Variants in IMMP2L observed in about 807,000 individuals in gnomAD.
IMMP2L encodes mitochondrial inner membrane protease subunit 2.
Under a neutral mutation model 19.3 loss-of-function variants are expected in IMMP2L, and 18 were observed. That is an observed-to-expected ratio of 0.93 (90% CI 0.64 to 1.38). IMMP2L has a LOEUF of 1.38. Among genes scored for constraint, IMMP2L ranks in the 40% most tolerant of loss-of-function variants. IMMP2L has a pLI of 0.00. For missense variants in IMMP2L, 233 were observed against 218.2 expected (o/e 1.07, Z -0.43); for synonymous variants, 76 against 73.0 (o/e 1.04, Z -0.21).
chr7:111,528,284 T>C (rs2132760328), intron 1 of IMMP2L, among the ~76,000 whole-genome samples: 1 of 152,268 alleles, frequency 6.6e-6, no homozygotes, highest in Non-Finnish European at 1.5e-5. Context: ...GAAAATTTCA[T>C]CTAAGCAATA....
chr7:110,834,186 A>T lies in IMMP2L; in HGVS notation c.408+52407T>A, dbSNP rs563466325. 1.6e-4 allele frequency among the ~76,000 whole-genome samples: 24 copies of T among 152,180 alleles called. No individual in the cohort carries two copies. In the East Asian group the frequency reaches 2.9e-3, roughly 18 times the overall value. On this transcript the variant is annotated intron_variant, in intron 5 of 5. Coordinates refer to ENST00000405709, the MANE Select transcript of IMMP2L (RefSeq NM_032549.4). ...CTTCAAATATTCTTTATGAATAATAAATCTTAAATGTAGTTTTAAAACTGG... is the reference window on the plus strand; with the variant it reads ...CTTCAAATATTCTTTATGAATAATATATCTTAAATGTAGTTTTAAAACTGG...
At chr7:111,484,903 C>A (rs1842497145) in intron 3 of IMMP2L, among the ~76,000 whole-genome samples, 1 of 152,076 alleles carries the variant, frequency 6.6e-6, no homozygotes, top group Admixed American at 6.6e-5. Context: ...CTTCCTACCT[C>A]AGCCTCCCAG....
chr7:111,273,512 T>C (rs754188573), intron 3 of IMMP2L, among the ~76,000 whole-genome samples: 6 of 152,050 alleles, frequency 3.9e-5, no homozygotes, highest in South Asian at 2.1e-4. Flanking sequence ...TGGCCGGATA[T>C]AGAACAACAG....
intron 3 of IMMP2L, among the ~76,000 whole-genome samples, chr7:111,396,243 G>A (rs1184605215): frequency 6.6e-6 from 1 of 152,104 alleles, no homozygotes; most frequent in Non-Finnish European, 1.5e-5. Flanking sequence ...CAATAGCAAA[G>A]ACTTGGAACC....
chr7:111,148,323 A>G (rs1023836374), intron 3 of IMMP2L, among the ~76,000 whole-genome samples: 2 of 152,102 alleles, frequency 1.3e-5, no homozygotes, highest in African/African-American at 2.4e-5. Flanking sequence ...ATAGAAACAG[A>G]AAGTAGAAGT....
intron 5 of IMMP2L, among the ~76,000 whole-genome samples, chr7:110,713,953 C>T (rs1407185941): frequency 6.6e-6 from 1 of 152,136 alleles, no homozygotes; most frequent in African/African-American, 2.4e-5. Flanking sequence ...GCTAGGAATT[C>T]CAGTACAATG....
At chr7:110,927,897 G>A (rs1050292582) in intron 4 of IMMP2L, among the ~76,000 whole-genome samples, 1 of 152,064 alleles carries the variant, frequency 6.6e-6, no homozygotes, top group African/African-American at 2.4e-5. Flanking sequence ...CAGTGACCTT[G>A]CTTAATTTCA....
chr7:111,033,037 T>C (rs988002454), intron 3 of IMMP2L, among the ~76,000 whole-genome samples: 14 of 152,056 alleles, frequency 9.2e-5, no homozygotes, highest in Non-Finnish European at 8.8e-5. Flanking sequence ...TGAGAATCAC[T>C]TGAACCTGGG....
chr7:111,328,718 G>C (rs1465617010), intron 3 of IMMP2L, among the ~76,000 whole-genome samples: 1 of 151,800 alleles, frequency 6.6e-6, no homozygotes, highest in African/African-American at 2.4e-5. Context: ...AGCTTGAGAA[G>C]TGATGTGGAT....
At chr7:111,260,081 T>C (rs1817156836) in intron 3 of IMMP2L, among the ~76,000 whole-genome samples, 1 of 152,152 alleles carries the variant, frequency 6.6e-6, no homozygotes, top group South Asian at 2.1e-4. Context: ...TTGTTGTTGT[T>C]TAAGTAGAAG....
At chr7:111,468,895 CA>C (rs1840940757) in intron 3 of IMMP2L, among the ~76,000 whole-genome samples, 1 of 151,900 alleles carries the variant, frequency 6.6e-6, no homozygotes, top group Non-Finnish European at 1.5e-5. Flanking sequence ...TGGCAATAAT[CA>C]AAATAGTAAC....
At position 110,727,410 on chromosome 7, in the gene IMMP2L, AT is replaced by A. The variant is rs1195722619; in HGVS notation, c.409-63690del. ...TGTCTCTAAATAAATAAATAAATAA[AT>A]AAATAAATATTAAAAATCCTCCAAG... is the stretch of plus-strand genomic sequence containing the variant. On this transcript the variant is annotated intron_variant, in intron 5 of 5. Coordinates refer to ENST00000405709, the MANE Select transcript of IMMP2L (RefSeq NM_032549.4). The surrounding 1 kb of genome is among the most constrained non-coding windows in gnomAD (Gnocchi z 4.3). Among the ~76,000 whole-genome samples the A allele has an allele frequency of 0.016, 2,487 of 152,088 alleles. 82 individuals carry two copies. The highest frequency in any genetic ancestry group is 0.057 in the African/African-American group (2,352 of 41,494).
chr7:111,064,212 C>T (rs1794288360), intron 3 of IMMP2L, among the ~76,000 whole-genome samples: 1 of 152,182 alleles, frequency 6.6e-6, no homozygotes, highest in South Asian at 2.1e-4. Context: ...ACCATCAGAT[C>T]TCATGGGATG....
Position 111,342,948 on chromosome 7 carries a change from T to C in IMMP2L, c.239+144290A>G, listed in dbSNP as rs142575772. On this transcript the variant is annotated intron_variant, in intron 3 of 5. Transcript: ENST00000405709. ...AAACCATGTATATGCTAAACTCAAA[T>C]TGCCTAAAAATTTAAATAACAGAAT... 7.5e-3 allele frequency among the ~76,000 whole-genome samples: 1,139 copies of C among 152,128 alleles called. 7 individuals carry two copies. The highest frequency in any genetic ancestry group is 0.011 in the Non-Finnish European group (741 of 67,994).
chr7:111,225,312 G>C (rs1286112316), intron 3 of IMMP2L, among the ~76,000 whole-genome samples: 2 of 152,020 alleles, frequency 1.3e-5, no homozygotes, highest in African/African-American at 4.8e-5. Flanking sequence ...GCCACTGTAA[G>C]AGCTTACTAA....
At chr7:111,315,097 A>G (rs1823910785) in intron 3 of IMMP2L, among the ~76,000 whole-genome samples, 1 of 152,152 alleles carries the variant, frequency 6.6e-6, no homozygotes, top group South Asian at 2.1e-4. Context: ...CCTCCCCCAG[A>G]ATATCGTTGA....
At chr7:111,210,588 A>T (rs545009731) in intron 3 of IMMP2L, among the ~76,000 whole-genome samples, 6 of 152,192 alleles carry the variant, frequency 3.9e-5, no homozygotes, top group African/African-American at 1.4e-4. Context: ...TTTAAGTATG[A>T]TACATTTTGA....
At chr7:110,881,510 T>TG (rs1809627591) in intron 5 of IMMP2L, among the ~76,000 whole-genome samples, 1 of 152,180 alleles carries the variant, frequency 6.6e-6, no homozygotes, top group Admixed American at 6.6e-5. Context: ...AGAATAAGCA[T>TG]GTACTACAAG....
At chr7:111,320,933 T>C (rs1404370767) in intron 3 of IMMP2L, among the ~76,000 whole-genome samples, 1 of 152,024 alleles carries the variant, frequency 6.6e-6, no homozygotes, top group Non-Finnish European at 1.5e-5. Context: ...ATGACTAGAA[T>C]AGTACTTGGA....
Sources: allele counts gnomAD v4.1 joint callset (sites outside exome capture counted in the v4.1 genomes callset), GRCh38; gene constraint gnomAD v4.1.1; non-coding constraint Gnocchi (gnomAD v3.1); transcripts MANE v1.5; gene names NCBI Gene and HGNC (gene_info 2026-07-23, HGNC 2026-07-21).